CNTN5: variants seen among roughly 807,000 people sequenced by gnomAD.
The protein encoded by CNTN5 is contactin 5, also known as contactin-5.
Under a neutral mutation model 129.1 loss-of-function variants are expected in CNTN5, and 77 were observed. That is an observed-to-expected ratio of 0.60 (90% CI 0.50 to 0.72). The LOEUF (loss-of-function observed/expected upper bound fraction) is 0.72, where lower values mean the gene tolerates loss of function less well. CNTN5 is among the 30% of genes least tolerant of loss of function. The pLI, the probability that CNTN5 is intolerant of heterozygous loss-of-function variation, is 0.00. For missense variants in CNTN5, 1,478 were observed against 1,328.8 expected (o/e 1.11, Z -1.75); for synonymous variants, 509 against 465.6 (o/e 1.09, Z -1.20).
At chr11:99,465,510 T>C (rs1216289024) in intron 2 of CNTN5, among the ~76,000 whole-genome samples, 1 of 152,020 alleles carries the variant, frequency 6.6e-6, no homozygotes, top group East Asian at 1.9e-4. Flanking sequence ...TTCTAGAATT[T>C]AGACAATATG....
intron 3 of CNTN5, among the ~76,000 whole-genome samples, chr11:99,736,664 T>C (rs1348484481): frequency 6.6e-6 from 1 of 152,144 alleles, no homozygotes; most frequent in Non-Finnish European, 1.5e-5. Context: ...GAGATCATAA[T>C]TATCGAAGTG....
intron 1 of CNTN5, among the ~76,000 whole-genome samples, chr11:99,035,270 T>C: frequency 6.7e-6 from 1 of 149,594 alleles, no homozygotes; most frequent in East Asian, 2.0e-4. Flanking sequence ...GAGAGTTCTG[T>C]AGATGTCTAT....
At chr11:100,030,619 A>C (rs879843153) in intron 9 of CNTN5, among the ~76,000 whole-genome samples, 2 of 152,202 alleles carry the variant, frequency 1.3e-5, no homozygotes, top group Non-Finnish European at 2.9e-5. Context: ...ACCCTGTAGA[A>C]CAAAAGGGCT....
At chr11:99,185,620 A>G (rs1206026120) in intron 1 of CNTN5, among the ~76,000 whole-genome samples, 1 of 151,666 alleles carries the variant, frequency 6.6e-6, no homozygotes, top group African/African-American at 2.4e-5. Flanking sequence ...CCCTTTGTCT[A>G]CTATATTTTT....
chr11:100,237,131 G>A (rs1322080906), intron 16 of CNTN5, among the ~76,000 whole-genome samples: 3 of 149,360 alleles, frequency 2.0e-5, no homozygotes, highest in Non-Finnish European at 4.4e-5. Context: ...AGAGCTTGCA[G>A]TGAGCCGAGA....
At chr11:99,307,128 G>GAAT (rs1260073903) in intron 1 of CNTN5, among the ~76,000 whole-genome samples, 2 of 152,132 alleles carry the variant, frequency 1.3e-5, no homozygotes, top group Admixed American at 1.3e-4. Flanking sequence ...CTGAGTCTTA[G>GAAT]AATAGTATTT....
intron 1 of CNTN5, among the ~76,000 whole-genome samples, chr11:99,231,829 G>A (rs1016745756): frequency 6.6e-6 from 1 of 152,104 alleles, no homozygotes; most frequent in Non-Finnish European, 1.5e-5. Flanking sequence ...TTTTGTATTA[G>A]GTATGAGGTA....
intron 13 of CNTN5, among the ~76,000 whole-genome samples, chr11:100,182,027 G>C (rs1948152002): frequency 6.6e-6 from 1 of 152,040 alleles, no homozygotes; most frequent in Non-Finnish European, 1.5e-5. Flanking sequence ...GAAGAGTAAA[G>C]TAAAAGGACT....
intron 6 of CNTN5, among the ~76,000 whole-genome samples, chr11:99,850,588 A>T (rs1197898451): frequency 6.6e-6 from 1 of 152,178 alleles, no homozygotes; most frequent in Non-Finnish European, 1.5e-5. Context: ...TTATTAACAT[A>T]TTTAATGTTT....
At chr11:99,160,815 C>T (rs915203910) in intron 1 of CNTN5, among the ~76,000 whole-genome samples, 2 of 152,110 alleles carry the variant, frequency 1.3e-5, no homozygotes, top group Admixed American at 1.3e-4. Flanking sequence ...CAAGCAGTTA[C>T]GTTTAAGGCA....
chr11:100,195,265 A>G (rs1434627377), intron 15 of CNTN5, among the ~76,000 whole-genome samples: 1 of 152,000 alleles, frequency 6.6e-6, no homozygotes, highest in Non-Finnish European at 1.5e-5. Context: ...AAATACATCT[A>G]AAAATAAATA....
chr11:100,303,554 T>C (rs1357699018), intron 20 of CNTN5, among the ~76,000 whole-genome samples: 4 of 99,638 alleles, frequency 4.0e-5, no homozygotes, highest in Non-Finnish European at 8.1e-5. Context: ...AAGATTTATT[T>C]ACTTGTGATG....
intron 8 of CNTN5, among the ~76,000 whole-genome samples, chr11:99,960,049 C>G (rs1950901463): frequency 6.6e-6 from 1 of 152,170 alleles, no homozygotes; most frequent in African/African-American, 2.4e-5. Flanking sequence ...AGCCAAACTT[C>G]TAACTTCCCT....
At chr11:100,269,101 A>C (rs796215105) in intron 17 of CNTN5, among the ~76,000 whole-genome samples, 35 of 152,362 alleles carry the variant, frequency 2.3e-4, no homozygotes, top group African/African-American at 8.2e-4. Flanking sequence ...TCAGCAATGG[A>C]GACTGATAAG....
chr11:99,582,396 T>C (rs1949637688), intron 3 of CNTN5, among the ~76,000 whole-genome samples: 1 of 152,234 alleles, frequency 6.6e-6, no homozygotes, highest in African/African-American at 2.4e-5. Context: ...GGAGAAGTTC[T>C]CCTGGATAAT....
At chr11:100,105,018 A>T (rs1945372746) in intron 13 of CNTN5, among the ~76,000 whole-genome samples, 1 of 152,184 alleles carries the variant, frequency 6.6e-6, no homozygotes, top group Non-Finnish European at 1.5e-5. Context: ...CTCTATGATA[A>T]AGGCAGGACG....
intron 1 of CNTN5, among the ~76,000 whole-genome samples, chr11:99,246,229 G>C (rs951387193): frequency 6.6e-6 from 1 of 152,000 alleles, no homozygotes; most frequent in Non-Finnish European, 1.5e-5. Context: ...AGCCAAATCA[G>C]GTAACGCTGT....
At chr11:100,193,109 AC>A (rs1948538910) in intron 14 of CNTN5, among the ~76,000 whole-genome samples, 1 of 151,826 alleles carries the variant, frequency 6.6e-6, no homozygotes, top group Non-Finnish European at 1.5e-5. Context: ...GAAACACATA[AC>A]CTTTTTATTG....
intron 1 of CNTN5, among the ~76,000 whole-genome samples, chr11:99,220,863 T>G (rs150416668): frequency 6.6e-6 from 1 of 151,934 alleles, no homozygotes; most frequent in African/African-American, 2.4e-5. Flanking sequence ...AATTTTCACC[T>G]TATGAAAACA....
Sources: gnomAD v4.1 joint callset for allele counts (sites outside exome capture counted in the v4.1 genomes callset) on GRCh38, gnomAD v4.1.1 for gene constraint, MANE v1.5 for transcripts, NCBI Gene and HGNC (gene_info 2026-07-23, HGNC 2026-07-21) for gene names.